The following VWF variants were observed in gnomAD, a reference collection of about 807,000 sequenced individuals.
The protein encoded by VWF is Factor VIII related antigen.
A neutral mutation model predicts 308.6 loss-of-function variants in VWF; 176 were observed. The ratio of observed to expected loss-of-function variants is 0.57; its 90% CI spans 0.50 to 0.65. The LOEUF is 0.65. VWF is among the 30% of genes least tolerant of loss of function. The probability of loss-of-function intolerance (pLI) is 0.00; values close to 1 mark genes in which losing one functional copy is unlikely to be tolerated. For synonymous variants in VWF, 1,385 were observed against 1,443.4 expected (o/e 0.96, Z 0.92); for missense variants, 3,146 against 3,648.2 (o/e 0.86, Z 3.55).
intron 3 of VWF, among the ~76,000 whole-genome samples, chr12:6,114,396 A>C (rs974615826): frequency 1.3e-5 from 2 of 152,166 alleles, no homozygotes; most frequent in Admixed American, 1.3e-4. Flanking sequence ...GGGAGCCCGG[A>C]GGTCGCTATG....
intron 2 of VWF, among the ~76,000 whole-genome samples, chr12:6,121,695 C>T (rs1409856502): frequency 1.3e-5 from 2 of 152,162 alleles, no homozygotes; most frequent in African/African-American, 4.8e-5. Context: ...CTTTGGGAGG[C>T]CGAGGTGGGC....
chr12:6,010,383 G>A (rs1039476599), intron 34 of VWF, among the ~76,000 whole-genome samples: 5 of 152,126 alleles, frequency 3.3e-5, no homozygotes, highest in Admixed American at 1.3e-4. Context: ...CTCGCTGATC[G>A]AAAACCAAAC....
intron 5 of VWF, chr12:6,096,054 C>T (rs929828348): frequency 9.4e-6 from 2 of 212,814 alleles, no homozygotes; most frequent in African/African-American, 4.6e-5. Context: ...CACCACAGGG[C>T]ATGGGCATCA....
intron 34 of VWF, among the ~76,000 whole-genome samples, chr12:6,010,305 CA>C (rs879358580): frequency 6.6e-6 from 1 of 151,338 alleles, no homozygotes; most frequent in Admixed American, 6.6e-5. Flanking sequence ...AAGAAATTTG[CA>C]AAAAAAATAA....
chr12:6,009,853 A>C (rs1943971872), intron 34 of VWF, among the ~76,000 whole-genome samples: 1 of 152,250 alleles, frequency 6.6e-6, no homozygotes, highest in South Asian at 2.1e-4. Flanking sequence ...GGAGGATGTT[A>C]AGCTAAGTGA....
At chr12:5,969,451 T>G in intron 44 of VWF, 60 bp from the exon 45 acceptor site, 1 of 1,595,556 alleles carries the variant, frequency 6.3e-7, no homozygotes, top group Non-Finnish European at 8.6e-7. Context: ...AGGGTCCCAT[T>G]GGGAATGTGC....
rs371105544 is a variant in VWF, at chr12:5,994,158, C to T, written c.6302G>A (p.Gly2101Asp). Residue 2101 changes from glycine (G) to aspartate (D), a missense_variant, in exon 37 of 52, where the codon GGC (glycine) becomes GAC (aspartate). By Grantham distance (94) the Gly-to-Asp change is moderately conservative. Transcript: ENST00000261405. ...NGANDFMLRD[G>D]TVTTDWKTLV... is the part of the protein sequence containing the mutation. The stretch of plus-strand genomic sequence containing the variant: ...TGTTTTCCAGTCTGTGGTGACTGTG[C>T]CATCCCTCAGCATGAAGTCATTGGC... 1 of 1,614,016 alleles carries T rather than the reference C, an allele frequency of 6.2e-7. No homozygotes were observed. The highest frequency in any genetic ancestry group is 8.5e-7 in the Non-Finnish European group (1 of 1,180,032).
chr12:6,102,013 C>G (rs181742771), intron 5 of VWF, among the ~76,000 whole-genome samples: 13 of 152,202 alleles, frequency 8.5e-5, no homozygotes, highest in African/African-American at 2.2e-4. Context: ...GCGGAATTTT[C>G]TCTCTTAAAA....
At chr12:6,067,645 C>T (rs931447442) in intron 10 of VWF, among the ~76,000 whole-genome samples, 1 of 152,268 alleles carries the variant, frequency 6.6e-6, no homozygotes, top group South Asian at 2.1e-4. Context: ...GGAGCTAGAA[C>T]GTCAGCCAGA....
At chr12:6,115,399 A>G (rs1234995387) in intron 3 of VWF, among the ~76,000 whole-genome samples, 1 of 152,198 alleles carries the variant, frequency 6.6e-6, no homozygotes, top group Non-Finnish European at 1.5e-5. Flanking sequence ...ATACTATGGC[A>G]GCAGGAAGAA....
chr12:5,982,466 A>G (rs560520595), intron 41 of VWF, among the ~76,000 whole-genome samples: 1 of 152,326 alleles, frequency 6.6e-6, no homozygotes, highest in African/African-American at 2.4e-5. Context: ...AAAGATTGCC[A>G]GCAATCTTGT....
At chr12:5,992,310 G>A (rs1411627462) in intron 37 of VWF, among the ~76,000 whole-genome samples, 2 of 152,162 alleles carry the variant, frequency 1.3e-5, no homozygotes, top group Non-Finnish European at 1.5e-5. Flanking sequence ...CAGCTTCCAG[G>A]AGTCCATTTT....
rs1944403347 is a variant in VWF at position 6,042,185 on chromosome 12, C to T, written c.2442+2106G>A. Among the ~76,000 whole-genome samples the T allele has an allele frequency of 2.0e-5, 3 of 152,186 alleles. No homozygotes were observed. In the South Asian group the frequency reaches 6.2e-4, roughly 32 times the overall value. On this transcript the variant is annotated intron_variant, in intron 18 of 51. Transcript: ENST00000261405. ...CCTGACGGGTCTGCCCTCTGCACCC[C>T]ATTCCTGCTCTTTCTGCCCCCCGCA...
rs61749385 is a variant in VWF at position 6,019,501 on chromosome 12, C to T, written c.3917G>A (p.Arg1306Gln). 2 of 1,613,836 alleles carry T rather than the reference C, an allele frequency of 1.2e-6. No individual in the cohort carries two copies. The highest frequency in any genetic ancestry group is 1.3e-5 in the African/African-American group (1 of 74,926). The change falls in exon 28 of 52, where the codon CGG (arginine) becomes CAG (glutamine). Residue 1306 changes from arginine to glutamine, a missense_variant. Arg to Gln is a conservative substitution (Grantham distance 43). Transcript: ENST00000261405. This position sits in a 1 kb window ranked among gnomAD's most constrained non-coding sequence, Gnocchi z 5.8. The stretch of plus-strand genomic sequence containing the variant: ...GACCCACTTCTGGGAGATGCGCAGC[C>T]GCTCCATCATGTCCACCACAAAGGC... ...LKAFVVDMME[R>Q]LRISQKWVRV...
intron 15 of VWF, among the ~76,000 whole-genome samples, chr12:6,055,460 G>C (rs139497671): frequency 2.2e-3 from 332 of 152,276 alleles, no homozygotes; most frequent in African/African-American, 7.3e-3. Flanking sequence ...TAAGGACCCA[G>C]ACCCAGTTGT....
intron 47 of VWF, among the ~76,000 whole-genome samples, chr12:5,964,300 A>ATGCATGCATACATACATACAT: frequency 6.6e-6 from 1 of 152,106 alleles, no homozygotes; most frequent in East Asian, 1.9e-4. Flanking sequence ...ACATACATAC[A>ATGCATGCATACATACATACAT]AAAAGCTACC....
chr12:5,975,301 C>T (rs372021838), intron 43 of VWF, among the ~76,000 whole-genome samples: 7 of 152,348 alleles, frequency 4.6e-5, no homozygotes, highest in Admixed American at 4.6e-4. Context: ...TGGATGTGCT[C>T]GCCTGCCCTG....
chr12:5,975,206 C>T (rs1392141665), intron 43 of VWF, among the ~76,000 whole-genome samples: 1 of 152,216 alleles, frequency 6.6e-6, no homozygotes. Flanking sequence ...CCCTCAGGCC[C>T]TCCTCCGTCA....
rs773886807 is a variant in VWF, at chr12:5,993,908, A to G, written c.6552T>C (p.Cys2184=). 5.6e-6 allele frequency: 9 copies of G among 1,613,800 alleles called. No homozygotes were observed. The South Asian group carries it at 9.9e-5, about 18-fold the overall frequency. The change falls in exon 37 of 52, where the codon TGT becomes TGC. Residue 2184 remains cysteine, a synonymous_variant. Coordinates refer to ENST00000261405, the MANE Select transcript of VWF (RefSeq NM_000552.5). The stretch of plus-strand genomic sequence containing the variant: ...AGTCAACGCAGACCCCGTTGGTCCG[A>G]CAGAGGTGGGCATAAGAGGCGATCA... The part of the protein sequence containing the change: ...CEVIASYAHL[C]RTNGVCVDWR...
Sources: allele counts gnomAD v4.1 joint callset (sites outside exome capture counted in the v4.1 genomes callset), GRCh38; gene constraint gnomAD v4.1.1; non-coding constraint Gnocchi (gnomAD v3.1); transcripts MANE v1.5; gene names NCBI Gene and HGNC (gene_info 2026-07-23, HGNC 2026-07-21).